The following TBC1D22A variants were observed in gnomAD, a reference collection of about 807,000 sequenced individuals.
TBC1D22A encodes the protein TBC1 domain family member 22A.
A neutral mutation model predicts 60.2 loss-of-function variants in TBC1D22A; 38 were observed. The ratio of observed to expected loss-of-function variants is 0.63; its 90% CI spans 0.49 to 0.83. TBC1D22A has a LOEUF of 0.83. Among genes scored for constraint, TBC1D22A ranks in the 40% least tolerant of loss-of-function variants. The pLI, the probability that TBC1D22A is intolerant of heterozygous loss-of-function variation, is 0.00. For missense variants in TBC1D22A, 628 were observed against 701.0 expected (o/e 0.90, Z 1.18); for synonymous variants, 302 against 281.7 (o/e 1.07, Z -0.72).
chr22:46,947,194 T>G (rs1302519013), intron 8 of TBC1D22A, among the ~76,000 whole-genome samples: 2 of 152,192 alleles, frequency 1.3e-5, no homozygotes, highest in Non-Finnish European at 2.9e-5. Context: ...GGAAAACATT[T>G]GCTGTATCAG....
intron 12 of TBC1D22A, among the ~76,000 whole-genome samples, chr22:47,167,314 T>G (rs988520959): frequency 6.6e-6 from 1 of 152,236 alleles, no homozygotes; most frequent in Non-Finnish European, 1.5e-5. Flanking sequence ...AACCAGCCAT[T>G]CAAGCATTGC....
chr22:46,893,199 C>T (rs57121076), intron 6 of TBC1D22A, among the ~76,000 whole-genome samples: 3 of 152,254 alleles, frequency 2.0e-5, no homozygotes, highest in East Asian at 3.8e-4. Context: ...TATGTGCTCA[C>T]TCTTCTGCTG....
chr22:47,104,734 C>T (rs1400124478), intron 11 of TBC1D22A, among the ~76,000 whole-genome samples: 1 of 151,670 alleles, frequency 6.6e-6, no homozygotes, highest in African/African-American at 2.4e-5. Context: ...AAACATTTCT[C>T]TCTATTGTCT....
intron 8 of TBC1D22A, among the ~76,000 whole-genome samples, chr22:46,924,745 C>CAAA (rs5845771): frequency 3.0e-4 from 45 of 149,152 alleles, no homozygotes; most frequent in East Asian, 7.9e-4. Flanking sequence ...AACTCTATCT[C>CAAA]AAAAAAAAAA....
intron 1 of TBC1D22A, among the ~76,000 whole-genome samples, chr22:46,790,673 C>G (rs2084366618): frequency 1.3e-5 from 2 of 152,100 alleles, no homozygotes; most frequent in African/African-American, 4.8e-5. Flanking sequence ...TTTTACCTTA[C>G]TAATGAATGA....
chr22:46,834,954 C>T (rs1286576322), intron 4 of TBC1D22A, among the ~76,000 whole-genome samples: 1 of 152,226 alleles, frequency 6.6e-6, no homozygotes, highest in Non-Finnish European at 1.5e-5. Flanking sequence ...CTTCTGAGCA[C>T]TGCCCTAAGG....
At chr22:47,050,883 G>C (rs2063188285) in intron 11 of TBC1D22A, among the ~76,000 whole-genome samples, 1 of 152,100 alleles carries the variant, frequency 6.6e-6, no homozygotes, top group African/African-American at 2.4e-5. Context: ...CTGACCCTGG[G>C]TGGCAGCTTC....
intron 4 of TBC1D22A, among the ~76,000 whole-genome samples, chr22:46,844,375 A>T (rs1234942622): frequency 1.4e-4 from 22 of 152,060 alleles, no homozygotes. Context: ...TTTAGTTATA[A>T]AGCATCTGGG....
chr22:46,901,953 C>T (rs1015310339), intron 7 of TBC1D22A, among the ~76,000 whole-genome samples: 23 of 119,494 alleles, frequency 1.9e-4, no homozygotes, highest in East Asian at 7.1e-4. Context: ...TGTTTATAAA[C>T]GTGAGTACAG....
At chr22:47,164,722 G>A (rs2068129829) in intron 12 of TBC1D22A, among the ~76,000 whole-genome samples, 1 of 152,212 alleles carries the variant, frequency 6.6e-6, no homozygotes, top group African/African-American at 2.4e-5. Flanking sequence ...GCAGCCTGAA[G>A]TTCACTGGGG....
chr22:47,166,324 C>T (rs747749796), intron 12 of TBC1D22A, among the ~76,000 whole-genome samples: 2 of 152,182 alleles, frequency 1.3e-5, no homozygotes, highest in Non-Finnish European at 2.9e-5. Flanking sequence ...AATGTGTCAC[C>T]AGCCACATAG....
At chr22:47,169,732 A>C (rs957845368) in intron 12 of TBC1D22A, among the ~76,000 whole-genome samples, 3 of 152,184 alleles carry the variant, frequency 2.0e-5, no homozygotes, top group Admixed American at 1.3e-4. Context: ...CGGATTGCAG[A>C]CCTGACGCGA....
At chr22:46,782,732 C>T (rs953169036) in intron 1 of TBC1D22A, among the ~76,000 whole-genome samples, 4 of 152,202 alleles carry the variant, frequency 2.6e-5, no homozygotes, top group African/African-American at 9.7e-5. Context: ...TGGAATCATA[C>T]AGTATGCGGC....
At chr22:46,804,109 A>G (rs1035133169) in intron 4 of TBC1D22A, among the ~76,000 whole-genome samples, 1 of 152,188 alleles carries the variant, frequency 6.6e-6, no homozygotes, top group Non-Finnish European at 1.5e-5. Context: ...TGAGCCAAGG[A>G]CGGGCTTTCC....
chr22:47,153,496 G>C (rs114689862), intron 12 of TBC1D22A, among the ~76,000 whole-genome samples: 3,124 of 152,154 alleles, frequency 0.021, 86 homozygotes, highest in African/African-American at 0.072. Context: ...GCAGAAAGGC[G>C]TGAGAGAAGG....
chr22:46,954,435 C>T (rs1241552830), intron 8 of TBC1D22A, among the ~76,000 whole-genome samples: 1 of 152,210 alleles, frequency 6.6e-6, no homozygotes, highest in Non-Finnish European at 1.5e-5. Flanking sequence ...AGGTCAGATA[C>T]GTTGATTTCC....
At chr22:47,001,405 T>C (rs2061407604) in intron 10 of TBC1D22A, among the ~76,000 whole-genome samples, 1 of 147,180 alleles carries the variant, frequency 6.8e-6, no homozygotes, top group Non-Finnish European at 1.5e-5. Flanking sequence ...GATCGCGCCA[T>C]TGTACTCCCG....
chr22:47,041,222 T>C (rs2062833440), intron 11 of TBC1D22A, among the ~76,000 whole-genome samples: 1 of 152,262 alleles, frequency 6.6e-6, no homozygotes, highest in South Asian at 2.1e-4. Context: ...ATCATTGCAC[T>C]TCTACCACCC....
intron 1 of TBC1D22A, among the ~76,000 whole-genome samples, chr22:46,780,846 G>A (rs1306223387): frequency 6.6e-6 from 1 of 152,240 alleles, no homozygotes; most frequent in Non-Finnish European, 1.5e-5. Context: ...TGTGTTGCAC[G>A]CTGCTGTCAG....
Sources: gnomAD v4.1 joint callset for allele counts (sites outside exome capture counted in the v4.1 genomes callset) on GRCh38, gnomAD v4.1.1 for gene constraint, MANE v1.5 for transcripts, NCBI Gene and HGNC (gene_info 2026-07-23, HGNC 2026-07-21) for gene names.